The following PSD3 variants were observed in gnomAD, a reference collection of about 807,000 sequenced individuals.
PSD3 encodes the protein PH and SEC7 domain-containing protein 3.
Under a neutral mutation model 105.5 loss-of-function variants are expected in PSD3, and 49 were observed. That is an observed-to-expected ratio of 0.46 (90% confidence interval 0.37 to 0.59). PSD3 has a LOEUF of 0.59. Ranked by LOEUF, PSD3 falls within the 20% of genes least tolerant of loss-of-function variation. The pLI, the probability that PSD3 is intolerant of heterozygous loss-of-function variation, is 0.00. For synonymous variants in PSD3, 557 were observed against 457.8 expected (o/e 1.22, Z -2.77); for missense variants, 1,561 against 1,263.8 (o/e 1.24, Z -3.57).
At chr8:18,813,224 C>A (rs1217141211) in intron 4 of PSD3, among the ~76,000 whole-genome samples, 1 of 152,010 alleles carries the variant, frequency 6.6e-6, no homozygotes, top group African/African-American at 2.4e-5. Flanking sequence ...GGTGATGCCA[C>A]CAAACAAGAC....
At position 18,872,166 on chromosome 8, in the gene PSD3, A is replaced by G. The variant is rs1586287787; in HGVS notation, c.698T>C (p.Met233Thr). Residue 233 changes from methionine (M) to threonine (T), a missense_variant, in exon 3 of 16, where the codon ATG (methionine) becomes ACG (threonine). Physicochemically the swap from Met to Thr is moderately conservative, Grantham distance 81. Coordinates refer to ENST00000327040, the MANE Select transcript of PSD3 (RefSeq NM_015310.4). ...GDTQAEISQI[M>T]NNGRKGAVCV... ...GACAGCCCCTTTCCTCCCATTATTC[A>G]TTATCTGGGAAATCTCTGCCTGAGT... 6.2e-7 allele frequency: 1 copy of G among 1,614,124 alleles called. No homozygotes were observed. Among genetic ancestry groups the G allele is most frequent in the South Asian group, 1.1e-5 (1 of 91,058 alleles).
At chr8:19,068,904 T>A (rs1472975033) in intron 1 of PSD3, among the ~76,000 whole-genome samples, 3 of 152,020 alleles carry the variant, frequency 2.0e-5, no homozygotes, top group Non-Finnish European at 4.4e-5. Flanking sequence ...TTTCAAGGGG[T>A]GGCCTGGAAA....
At chr8:18,827,227 C>G (rs1813268394) in intron 4 of PSD3, among the ~76,000 whole-genome samples, 1 of 152,096 alleles carries the variant, frequency 6.6e-6, no homozygotes, top group South Asian at 2.1e-4. Flanking sequence ...AATAATGGAC[C>G]AACTAGTGCT....
Position 18,716,643 on chromosome 8 carries a change from G to C in PSD3, c.2172+48806C>G, listed in dbSNP as rs576675406. On this transcript the variant is annotated intron_variant, in intron 9 of 15. Transcript: ENST00000327040. ...AAGGAGTCTAAATGTATTTTCCTAA[G>C]TGTAGAAGGATGTTATAGGATGAGG... is the stretch of plus-strand genomic sequence containing the variant. 2.6e-5 allele frequency among the ~76,000 whole-genome samples: 4 copies of C among 152,294 alleles called. No homozygotes were observed. In the South Asian group the frequency reaches 6.2e-4, roughly 24 times the overall value.
At chr8:19,037,387 A>G (rs1827979509) in intron 1 of PSD3, among the ~76,000 whole-genome samples, 2 of 152,256 alleles carry the variant, frequency 1.3e-5, no homozygotes, top group African/African-American at 4.8e-5. Flanking sequence ...GACTGTGTCA[A>G]ATGATAGATC....
At chr8:19,019,584 T>G (rs1165036173) in intron 1 of PSD3, among the ~76,000 whole-genome samples, 3 of 152,226 alleles carry the variant, frequency 2.0e-5, no homozygotes, top group South Asian at 2.1e-4. Context: ...CAGTCTTATT[T>G]ATTTGTTATT....
At chr8:19,051,830 G>C (rs1455574115) in intron 1 of PSD3, among the ~76,000 whole-genome samples, 1 of 152,160 alleles carries the variant, frequency 6.6e-6, no homozygotes, top group Non-Finnish European at 1.5e-5. Flanking sequence ...AAAACACAAA[G>C]AACTAATGAA....
intron 2 of PSD3, among the ~76,000 whole-genome samples, chr8:18,927,838 AAATGG>A (rs1821473334): frequency 6.6e-6 from 1 of 152,218 alleles, no homozygotes. Context: ...GTATGCCAGG[AAATGG>A]GGACAAAAAC....
intron 4 of PSD3, among the ~76,000 whole-genome samples, chr8:18,839,190 T>C (rs757492804): frequency 1.3e-5 from 2 of 152,062 alleles, no homozygotes; most frequent in Non-Finnish European, 2.9e-5. Context: ...AGCACAGACA[T>C]ACCATTTACA....
At chr8:18,672,346 T>TA (rs1360743493) in intron 9 of PSD3, among the ~76,000 whole-genome samples, 8 of 151,554 alleles carry the variant, frequency 5.3e-5, no homozygotes, top group African/African-American at 1.9e-4. Flanking sequence ...AAATGGCCTG[T>TA]AAAAAAAACA....
chr8:19,031,945 A>T (rs1401343870), intron 1 of PSD3, among the ~76,000 whole-genome samples: 7 of 152,154 alleles, frequency 4.6e-5, no homozygotes, highest in Admixed American at 3.9e-4. Context: ...TTACTTTGAA[A>T]ATTTCCTAAT....
intron 2 of PSD3, among the ~76,000 whole-genome samples, chr8:18,882,218 C>A (rs1162282496): frequency 6.6e-6 from 1 of 151,894 alleles, no homozygotes; most frequent in Non-Finnish European, 1.5e-5. Context: ...AACAAACAAA[C>A]AAACAAACAA....
At chr8:18,830,654 T>G (rs578229597) in intron 4 of PSD3, among the ~76,000 whole-genome samples, 1 of 152,168 alleles carries the variant, frequency 6.6e-6, no homozygotes, top group Non-Finnish European at 1.5e-5. Flanking sequence ...AAAAATGAGT[T>G]ACCTAAAGAA....
rs532973421 is a variant in PSD3, at chr8:18,681,161, G to C, written c.2173-25476C>G. ...ACATTAAATCCCAGGAGCGAACCAC[G>C]AGTTAATGGTATCTTATTTTTTACA... On this transcript the variant is annotated intron_variant, in intron 9 of 15. Transcript: ENST00000327040. Among the ~76,000 whole-genome samples, 12 of 152,222 alleles carry C rather than the reference G, an allele frequency of 7.9e-5. No individual in the cohort carries two copies. In the South Asian group the frequency reaches 2.5e-3, roughly 32 times the overall value.
intron 1 of PSD3, chr8:18,989,183 C>G (rs926406080): frequency 3.9e-5 from 6 of 152,294 alleles, no homozygotes; most frequent in African/African-American, 1.4e-4. Context: ...CAGTGAGCAC[C>G]TCCTGTGCAC....
At position 19,007,328 on chromosome 8, in the gene PSD3, C is replaced by T. The variant is rs1261494327; in HGVS notation, c.21+6235G>A. On this transcript the variant is annotated intron_variant, in intron 1 of 15. Transcript: ENST00000327040. The stretch of plus-strand genomic sequence containing the variant: ...GCCATCTATTAAAAAAGCACTTTTG[C>T]TGTAAAGTTGCCCTAATATAGTAGT... Among the ~76,000 whole-genome samples, 8 of 152,016 alleles carry T rather than the reference C, an allele frequency of 5.3e-5. No individual in the cohort carries two copies. The South Asian group carries it at 1.7e-3, about 32-fold the overall frequency.
intron 8 of PSD3, among the ~76,000 whole-genome samples, chr8:18,795,127 A>T (rs60508084): frequency 0.71 from 108,050 of 152,128 alleles, 39,914 homozygotes; most frequent in Non-Finnish European, 0.81. Flanking sequence ...AAACCTAAAC[A>T]TACTTTCTTC....
At chr8:18,634,045 T>G (rs1807082643) in intron 10 of PSD3, among the ~76,000 whole-genome samples, 1 of 152,110 alleles carries the variant, frequency 6.6e-6, no homozygotes, top group South Asian at 2.1e-4. Context: ...TCATGTTTGT[T>G]GGCCATTTGT....
intron 1 of PSD3, among the ~76,000 whole-genome samples, chr8:19,033,544 T>G (rs1170101188): frequency 1.3e-5 from 2 of 148,704 alleles, no homozygotes; most frequent in East Asian, 4.1e-4. Flanking sequence ...GAGCTCTTTT[T>G]TTTTTCTTTT....
Sources: gnomAD v4.1 joint callset for allele counts (sites outside exome capture counted in the v4.1 genomes callset) on GRCh38, gnomAD v4.1.1 for gene constraint, MANE v1.5 for transcripts, NCBI Gene and HGNC (gene_info 2026-07-23, HGNC 2026-07-21) for gene names.